Variants in IL34 observed in about 807,000 individuals in gnomAD.
The protein encoded by IL34 is interleukin-34.
In IL34, 17 loss-of-function variants were observed where a neutral mutation model predicts 25.3. The ratio of observed to expected loss-of-function variants is 0.67; its 90% CI spans 0.46 to 1.01. The LOEUF (loss-of-function observed/expected upper bound fraction) is 1.01, where lower values mean the gene tolerates loss of function less well. IL34 is among the 50% of genes least tolerant of loss of function. IL34 has a pLI of 0.00. For missense variants in IL34, 368 were observed against 312.9 expected, an observed-to-expected ratio of 1.18 and a Z score of -1.33; for synonymous variants, 174 against 140.9, an observed-to-expected ratio of 1.23 and a Z score of -1.66.
chr16:70,657,189 T>G (rs2052253540), intron 4 of IL34, 68 bp downstream of exon 4: 1 of 1,522,384 alleles, frequency 6.6e-7, no homozygotes, highest in Non-Finnish European at 8.9e-7. Flanking sequence ...GTGTGTGAGG[T>G]GTGGCCAAAG....
chr16:70,624,525 G>A (rs973728887), intron 1 of IL34, among the ~76,000 whole-genome samples: 1 of 152,082 alleles, frequency 6.6e-6, no homozygotes, highest in Non-Finnish European at 1.5e-5. Flanking sequence ...GACCTTTTAG[G>A]GTCTAGGGCT....
chr16:70,585,418 C>T (rs982033961), intron 1 of IL34, among the ~76,000 whole-genome samples: 7 of 152,004 alleles, frequency 4.6e-5, no homozygotes, highest in African/African-American at 1.4e-4. Flanking sequence ...TGAGGCTGGG[C>T]GCGGTGGCTC....
At chr16:70,598,800 A>C (rs930515930) in intron 1 of IL34, among the ~76,000 whole-genome samples, 1 of 152,214 alleles carries the variant, frequency 6.6e-6, no homozygotes, top group African/African-American at 2.4e-5. Context: ...CAGAAGTTTT[A>C]CTGAGGACGA....
chr16:70,648,841 G>A, intron 1 of IL34, among the ~76,000 whole-genome samples: 1 of 152,124 alleles, frequency 6.6e-6, no homozygotes, highest in East Asian at 1.9e-4. Context: ...GTGCCTGCAG[G>A]GCTGCGTTCC....
chr16:70,636,966 G>A (rs929584930), intron 1 of IL34, among the ~76,000 whole-genome samples: 17 of 151,424 alleles, frequency 1.1e-4, no homozygotes, highest in African/African-American at 4.1e-4. Flanking sequence ...TGCAAGTTCC[G>A]CCTCCCAGGT....
At chr16:70,606,352 C>T (rs1000876946) in intron 1 of IL34, among the ~76,000 whole-genome samples, 17 of 151,948 alleles carry the variant, frequency 1.1e-4, no homozygotes, top group Admixed American at 5.9e-4. Context: ...GAGCTGAGAT[C>T]GCACCACTGC....
intron 1 of IL34, among the ~76,000 whole-genome samples, chr16:70,614,217 C>A (rs140355779): frequency 3.6e-4 from 55 of 151,416 alleles, no homozygotes; most frequent in African/African-American, 1.3e-3. Flanking sequence ...GTATCCCAGG[C>A]CCTACCCCAG....
chr16:70,641,679 A>C (rs2051788463), upstream of IL34, among the ~76,000 whole-genome samples: 1 of 150,660 alleles, frequency 6.6e-6, no homozygotes, highest in African/African-American at 2.4e-5. Context: ...TGATCTTCCC[A>C]CCTTAGCCTC....
At chr16:70,616,795 T>C (rs2051179528) in intron 1 of IL34, among the ~76,000 whole-genome samples, 1 of 152,168 alleles carries the variant, frequency 6.6e-6, no homozygotes, top group African/African-American at 2.4e-5. Context: ...AATGGTGGAA[T>C]GTCATCAGTT....
intron 1 of IL34, among the ~76,000 whole-genome samples, chr16:70,628,469 T>TTTATTTA (rs2051444086): frequency 1.3e-5 from 2 of 149,916 alleles, no homozygotes; most frequent in African/African-American, 5.0e-5. Flanking sequence ...GTGGGTTTGT[T>TTTATTTA]TTTATTTATT....
chr16:70,645,106 AGAG>A (rs1328490835), upstream of IL34, among the ~76,000 whole-genome samples: 16 of 119,860 alleles, frequency 1.3e-4, no homozygotes, highest in African/African-American at 3.0e-4. Context: ...GGAGGGGGAA[AGAG>A]GAGGAAGAAG....
At chr16:70,659,465 G>A (rs1414867751) in intron 4 of IL34, among the ~76,000 whole-genome samples, 153 bp from the exon 5 acceptor site, 1 of 152,254 alleles carries the variant, frequency 6.6e-6, no homozygotes, top group African/African-American at 2.4e-5. Context: ...ACAGGAAGAA[G>A]ATGGTGAGAA....
intron 1 of IL34, among the ~76,000 whole-genome samples, chr16:70,580,609 T>C (rs1486047689): frequency 1.3e-5 from 2 of 151,988 alleles, no homozygotes; most frequent in Admixed American, 6.6e-5. Context: ...GATGAAACCC[T>C]GTCTCTACTA....
chr16:70,657,165 A>G (rs755110920), intron 4 of IL34, 44 bp downstream of exon 4: 3 of 1,588,482 alleles, frequency 1.9e-6, no homozygotes, highest in African/African-American at 1.3e-5. Flanking sequence ...GTGTGTGTGC[A>G]CACGTGTGTA....
Position 70,656,965 on chromosome 16 carries a change from G to C in IL34, c.246G>C (p.Arg82Ser). 8 of 1,607,096 alleles carry C rather than the reference G, an allele frequency of 5.0e-6. No individual in the cohort carries two copies. The highest frequency in any genetic ancestry group is 6.8e-6 in the Non-Finnish European group (8 of 1,176,552). ...FRIANVTRLQ[R>S]AQVSERELRY... The stretch of plus-strand genomic sequence containing the variant: ...TGACTTCCCTGTTTCCGCAGCAGAG[G>C]GCCCAGGTGAGCGAGCGGGAGCTGC... The change falls in exon 4 of 6, where the codon AGG becomes AGC. Residue 82 changes from arginine to serine, a missense_variant. Arg to Ser is a moderately radical substitution (Grantham distance 110). Transcript: ENST00000288098.
intron 1 of IL34, among the ~76,000 whole-genome samples, chr16:70,608,597 G>A (rs2051046115): frequency 6.6e-6 from 1 of 152,230 alleles, no homozygotes; most frequent in South Asian, 2.1e-4. Context: ...CACAGATCAA[G>A]GGTGGGGAGA....
chr16:70,645,079 G>A (rs1468943459), upstream of IL34, among the ~76,000 whole-genome samples: 1 of 142,644 alleles, frequency 7.0e-6, no homozygotes. Flanking sequence ...GAAAGGAAGA[G>A]GGAAGAGTAG....
At chr16:70,585,959 A>C (rs2050689897) in intron 1 of IL34, among the ~76,000 whole-genome samples, 1 of 150,808 alleles carries the variant, frequency 6.6e-6, no homozygotes, top group Non-Finnish European at 1.5e-5. Context: ...TCAGCCTCCC[A>C]AGTAGCTGGG....
intron 1 of IL34, among the ~76,000 whole-genome samples, chr16:70,582,981 T>C (rs1359254345): frequency 6.6e-6 from 1 of 152,138 alleles, no homozygotes. Flanking sequence ...TTGGGAGACC[T>C]GCAGGGCTGG....
Sources: gnomAD v4.1 joint callset for allele counts (sites outside exome capture counted in the v4.1 genomes callset) on GRCh38, gnomAD v4.1.1 for gene constraint, MANE v1.5 for transcripts, NCBI Gene and HGNC (gene_info 2026-07-23, HGNC 2026-07-21) for gene names.